The following SRSF4 variants were observed in gnomAD, a reference collection of about 807,000 sequenced individuals.
SRSF4 encodes the protein serine/arginine-rich splicing factor 4.
SRSF4 carries 12 observed loss-of-function variants against 48.8 expected under a neutral mutation model. The observed-to-expected ratio is 0.25, with a 90% CI of 0.16 to 0.40. The LOEUF (loss-of-function observed/expected upper bound fraction) is 0.40. Among genes scored for constraint, SRSF4 ranks in the 10% least tolerant of loss-of-function variants. The pLI is 1.00. For synonymous variants in SRSF4, 248 were observed against 232.5 expected (o/e 1.07, Z -0.61); for missense variants, 466 against 667.1 (o/e 0.70, Z 3.32).
At chr1:29,166,896 ACTTGAT>A (rs1465482176) in intron 1 of SRSF4, 1 of 152,232 alleles carries the variant, frequency 6.6e-6, no homozygotes, top group Non-Finnish European at 1.5e-5. Context: ...CTCAGTCTGC[ACTTGAT>A]CTTTCCCCAC....
At chr1:29,152,932 A>AG (rs981009996) in intron 4 of SRSF4, among the ~76,000 whole-genome samples, 3 of 151,498 alleles carry the variant, frequency 2.0e-5, no homozygotes, top group Non-Finnish European at 4.4e-5. Context: ...CAAAAAAAAA[A>AG]AAAGAAAGAA....
rs144908499 is a variant in SRSF4, at chr1:29,160,492, G to A, written c.133C>T (p.Leu45=). ...TAAACAGCATCATCTGCATCACGCA[G>A]ATCATCAAACTCCACAAAACCATAT... The part of the protein sequence containing the change: ...NGYGFVEFDD[L]RDADDAVYEL... Residue 45 remains leucine (L), a synonymous_variant, in exon 2 of 6, where the codon CTG becomes TTG. Coordinates refer to ENST00000373795, the MANE Select transcript of SRSF4 (RefSeq NM_005626.5). 247 of 1,612,306 alleles carry A rather than the reference G, an allele frequency of 1.5e-4. No individual in the cohort carries two copies. The highest frequency in any genetic ancestry group is 1.9e-4 in the Non-Finnish European group (226 of 1,179,456).
At chr1:29,157,944 T>A (rs1574193116) in intron 3 of SRSF4, among the ~76,000 whole-genome samples, 3 of 152,092 alleles carry the variant, frequency 2.0e-5, no homozygotes, top group African/African-American at 4.8e-5. Flanking sequence ...CCAAGGCAGG[T>A]GGATCACTTG....
chr1:29,170,568 TTTTGG>T (rs370054350), intron 1 of SRSF4: 27 of 152,336 alleles, frequency 1.8e-4, no homozygotes, highest in African/African-American at 6.3e-4. Context: ...TCATTTTCAT[TTTTGG>T]TTAAAGATGC....
intron 1 of SRSF4, among the ~76,000 whole-genome samples, chr1:29,181,171 C>T (rs1008894838): frequency 2.6e-5 from 4 of 152,236 alleles, no homozygotes; most frequent in African/African-American, 9.6e-5. Flanking sequence ...CTCCAAGGCT[C>T]CAGTCCTCGG....
intron 1 of SRSF4, among the ~76,000 whole-genome samples, chr1:29,175,358 G>A (rs371534936): frequency 6.6e-6 from 1 of 150,874 alleles, no homozygotes; most frequent in African/African-American, 2.4e-5. Context: ...CCACGATTGT[G>A]CCACTGCATT....
At chr1:29,162,640 C>T (rs371412985) in intron 1 of SRSF4, among the ~76,000 whole-genome samples, 18 of 152,176 alleles carry the variant, frequency 1.2e-4, no homozygotes, top group Non-Finnish European at 2.4e-4. Context: ...GGAGGAGGGA[C>T]ATTTGGCCTG....
intron 5 of SRSF4, 80 bp downstream of exon 5, chr1:29,150,023 G>GA (rs1026985805): frequency 0.017 from 18,347 of 1,073,728 alleles, 2 homozygotes; most frequent in Non-Finnish European, 0.019. Flanking sequence ...GTGTCTCTTT[G>GA]AAAAAAAAAA....
intron 1 of SRSF4, among the ~76,000 whole-genome samples, chr1:29,176,253 A>AAAAAAAC (rs897102347): frequency 3.9e-5 from 6 of 152,250 alleles, no homozygotes; most frequent in Admixed American, 6.5e-5. Flanking sequence ...CTCCATCTCA[A>AAAAAAAC]AAAAAACAAA....
chr1:29,149,218 G>T lies in SRSF4; in HGVS notation c.677C>A (p.Ser226Tyr). 6.2e-7 allele frequency: 1 copy of T among 1,607,240 alleles called. No individual in the cohort carries two copies. The highest frequency in any genetic ancestry group is 8.5e-7 in the Non-Finnish European group (1 of 1,179,836). ...GCTCCGGCTCTTGCTCCGGGAGCGG[G>T]AGCCCGACCTGAGGAGACATGGGAT... ...SKSRSRSRSGSRSRSKSRSRS... is the reference protein window; with the variant it reads ...SKSRSRSRSGYRSRSKSRSRS... Residue 226 changes from serine (S) to tyrosine (Y), a missense_variant, in exon 6 of 6, where the codon TCC becomes TAC. Around this residue, in one of 2 missense-constraint regions of SRSF4, gnomAD observed 402 missense variants for 437.0 expected, o/e 0.92. Transcript: ENST00000373795.
intron 1 of SRSF4, chr1:29,170,723 T>A (rs1360644463): frequency 6.6e-6 from 1 of 152,222 alleles, no homozygotes; most frequent in Non-Finnish European, 1.5e-5. Flanking sequence ...TTCTGGTCTG[T>A]GGTTCCTGAC....
intron 1 of SRSF4, chr1:29,173,453 GTTTTT>G (rs374839199): frequency 5.0e-5 from 5 of 99,616 alleles, no homozygotes; most frequent in African/African-American, 3.8e-5. Flanking sequence ...CTAAAAAGTT[GTTTTT>G]TTTTTTTCTT....
At chr1:29,164,062 G>T (rs895090803) in intron 1 of SRSF4, among the ~76,000 whole-genome samples, 10 of 152,140 alleles carry the variant, frequency 6.6e-5, no homozygotes, top group African/African-American at 2.2e-4. Context: ...TGTTATCCAG[G>T]CTGGACTTGA....
intron 4 of SRSF4, among the ~76,000 whole-genome samples, chr1:29,154,268 T>C (rs933319722): frequency 1.3e-5 from 2 of 152,132 alleles, no homozygotes; most frequent in African/African-American, 4.8e-5. Context: ...TTTCGCCATG[T>C]TGGCCAGGCT....
rs548662462 is a variant in SRSF4 at position 29,155,638 on chromosome 1, C to T, written c.364-728G>A. Among the ~76,000 whole-genome samples, 6 of 152,090 alleles carry T rather than the reference C, an allele frequency of 3.9e-5. 1 individual carries two copies. The highest frequency in any genetic ancestry group is 4.2e-4 in the South Asian group (2 of 4,810). On this transcript the variant is annotated intron_variant, in intron 3 of 5. Transcript: ENST00000373795. ...TCCCCAACAGCTGGAACTGCAGGTCCGCGCCACCATACCCAGCTGATTTTT... is the reference window on the plus strand; with the variant it reads ...TCCCCAACAGCTGGAACTGCAGGTCTGCGCCACCATACCCAGCTGATTTTT...
Position 29,148,806 on chromosome 1 carries a change from C to G in SRSF4, c.1089G>C (p.Glu363Asp). ...KRKGRKRSRE[E>D]SRSRSRSRSK... Reference sequence around the variant, plus strand: ...TGCGGCTGCGACTGCGACTGCGGCTCTCCTCTCTGCTTCTCTTCCTGCCCT... The same window carrying G: ...TGCGGCTGCGACTGCGACTGCGGCTGTCCTCTCTGCTTCTCTTCCTGCCCT... The change falls in exon 6 of 6, where the codon GAG becomes GAC. Residue 363 changes from glutamate (E) to aspartate (D), a missense_variant. Physicochemically the swap from Glu to Asp is conservative, Grantham distance 45 (BLOSUM62 2). This residue lies in a region of SRSF4 where 402 missense variants were observed against 437.0 expected (regional missense o/e 0.92). Transcript: ENST00000373795. 1 of 1,609,858 alleles carries G rather than the reference C, an allele frequency of 6.2e-7. No homozygotes were observed. Among genetic ancestry groups the G allele is most frequent in the Non-Finnish European group, 8.5e-7 (1 of 1,177,480 alleles).
chr1:29,155,511 A>C (rs1672487065), intron 3 of SRSF4, among the ~76,000 whole-genome samples: 1 of 152,174 alleles, frequency 6.6e-6, no homozygotes, highest in Non-Finnish European at 1.5e-5. Flanking sequence ...CAAACAAAAA[A>C]CAGAGTCTTG....
intron 1 of SRSF4, among the ~76,000 whole-genome samples, chr1:29,177,690 C>T (rs1289269035): frequency 6.6e-6 from 1 of 152,052 alleles, no homozygotes; most frequent in African/African-American, 2.4e-5. Context: ...TTTGTGGTCC[C>T]AAACCATCTT....
chr1:29,153,600 AT>A (rs113402257), intron 4 of SRSF4, among the ~76,000 whole-genome samples: 2,587 of 132,962 alleles, frequency 0.019, 23 homozygotes, highest in African/African-American at 0.033. Flanking sequence ...TCTGATTTCC[AT>A]TTTTTTTTTT....
Sources: allele counts gnomAD v4.1 joint callset (sites outside exome capture counted in the v4.1 genomes callset), GRCh38; gene constraint gnomAD v4.1.1; regional missense constraint gnomAD v4.1.1; transcripts MANE v1.5; gene names NCBI Gene and HGNC (gene_info 2026-07-23, HGNC 2026-07-21).